The following ZNF385C variants were observed in gnomAD, a reference collection of about 807,000 sequenced individuals.
The protein encoded by ZNF385C is CTD-2132N18.2.
A neutral mutation model predicts 35.4 loss-of-function variants in ZNF385C; 28 were observed. The observed-to-expected ratio is 0.79, with a 90% CI of 0.59 to 1.08. ZNF385C has a LOEUF of 1.08. Ranked by LOEUF, ZNF385C falls within the 50% of genes least tolerant of loss-of-function variation. ZNF385C has a pLI of 0.00. For synonymous variants in ZNF385C, 248 were observed against 248.2 expected (o/e 1.00, Z 0.01); for missense variants, 605 against 595.6 (o/e 1.02, Z -0.16).
At chr17:42,044,573 G>A (rs1346923520) in intron 2 of ZNF385C, among the ~76,000 whole-genome samples, 11 of 151,180 alleles carry the variant, frequency 7.3e-5, no homozygotes, top group Non-Finnish European at 1.2e-4. Context: ...CCGAGATCAC[G>A]CTATTGCACT....
At chr17:42,075,961 G>A (rs2053680280) in intron 1 of ZNF385C, among the ~76,000 whole-genome samples, 1 of 152,050 alleles carries the variant, frequency 6.6e-6, no homozygotes, top group Non-Finnish European at 1.5e-5. Context: ...AAACCCCCAG[G>A]TCTATTTTCA....
At position 42,056,549 on chromosome 17, in the gene ZNF385C, G is replaced by A. The variant is rs535823022; in HGVS notation, c.250+6258C>T. ...GGCTGAGGTGGGAGGATTGCTTGGG[G>A]CCAAGAGTTTGAGACCAGCCTGGGC... On this transcript the variant is annotated intron_variant, in intron 2 of 8. Coordinates refer to ENST00000692273, the MANE Select transcript of ZNF385C (RefSeq NM_001392013.1). Among the ~76,000 whole-genome samples the A allele has an allele frequency of 3.9e-5, 6 of 152,252 alleles. No homozygotes were observed. The South Asian group carries it at 1.2e-3, about 32-fold the overall frequency.
chr17:42,058,108 G>C (rs1017045958), intron 2 of ZNF385C, among the ~76,000 whole-genome samples: 2 of 152,098 alleles, frequency 1.3e-5, no homozygotes. Context: ...AGTGCTGGGA[G>C]TAAGAATTCC....
chr17:42,044,722 A>G (rs1383976513), intron 2 of ZNF385C, among the ~76,000 whole-genome samples: 1 of 152,114 alleles, frequency 6.6e-6, no homozygotes, highest in African/African-American at 2.4e-5. Flanking sequence ...ACACAGGTGA[A>G]CACACACTCA....
At chr17:42,039,431 C>T in intron 2 of ZNF385C, 1 of 344,852 alleles carries the variant, frequency 2.9e-6, no homozygotes, top group South Asian at 1.5e-4. Context: ...AGCTACTCCT[C>T]ATCTAACTGT....
intron 1 of ZNF385C, among the ~76,000 whole-genome samples, chr17:42,091,797 G>A (rs1287620071): frequency 6.6e-6 from 1 of 152,146 alleles, no homozygotes; most frequent in Non-Finnish European, 1.5e-5. Flanking sequence ...TGCTAACTAG[G>A]ACAGCAAATT....
At chr17:42,079,184 T>G (rs2053717270) in intron 1 of ZNF385C, among the ~76,000 whole-genome samples, 1 of 91,680 alleles carries the variant, frequency 1.1e-5, no homozygotes, top group Non-Finnish European at 2.1e-5. Context: ...AAACCCTGTC[T>G]CGCAAAAAAA....
rs2053268311 is a variant in ZNF385C, at chr17:42,050,810, G to T, written c.250+11997C>A. Among the ~76,000 whole-genome samples, 1 of 151,648 alleles carries T rather than the reference G, an allele frequency of 6.6e-6. No individual in the cohort carries two copies. The highest frequency in any genetic ancestry group is 2.4e-5 in the African/African-American group (1 of 41,370). ...AGCCCCTGCCGCCCCACGCGCGGCA[G>T]CAGGAGCCAGAGGCTAGACCGCAGG... On this transcript the variant is annotated intron_variant, in intron 2 of 8. Coordinates refer to ENST00000692273, the MANE Select transcript of ZNF385C (RefSeq NM_001392013.1). The surrounding 1 kb of genome is among the most constrained non-coding windows in gnomAD (Gnocchi z 5.6).
intron 1 of ZNF385C, among the ~76,000 whole-genome samples, chr17:42,070,604 G>A (rs542511792): frequency 6.6e-6 from 1 of 152,262 alleles, no homozygotes; most frequent in Non-Finnish European, 1.5e-5. Flanking sequence ...GACACATGAG[G>A]CAACTGAGGC....
intron 2 of ZNF385C, chr17:42,043,152 G>T (rs1028908991): frequency 1.6e-6 from 2 of 1,232,174 alleles, no homozygotes; most frequent in Non-Finnish European, 1.0e-6. Flanking sequence ...GGCGCAGCAG[G>T]GCGTGGCGCT....
chr17:42,075,458 TGTTGGATTATCCCA>T (rs1415911974), intron 1 of ZNF385C, among the ~76,000 whole-genome samples: 16 of 151,972 alleles, frequency 1.1e-4, no homozygotes, highest in Middle Eastern at 6.8e-3. Flanking sequence ...GGTTTCCAAG[TGTTGGATTATCCCA>T]GTTACATTCC....
chr17:42,096,406 C>G (rs573331037), intron 1 of ZNF385C, among the ~76,000 whole-genome samples: 1 of 152,274 alleles, frequency 6.6e-6, no homozygotes, highest in East Asian at 1.9e-4. Context: ...CCTCATCCCA[C>G]AGGGAGAGGA....
rs1555655683 is a variant in ZNF385C, at chr17:42,038,140, A to G, written c.251-255T>C. 2.8e-6 allele frequency: 4 copies of G among 1,440,706 alleles called. No individual in the cohort carries two copies. In the African/African-American group the frequency reaches 5.6e-5, roughly 20 times the overall value. 89.2% of individuals were successfully genotyped at this position (1,440,706 alleles called of 1,614,324 possible). A position where few individuals can be genotyped will look rare whatever the true frequency, so the allele number is the denominator to read the frequency against. On this transcript the variant is annotated intron_variant, in intron 2 of 8. Transcript: ENST00000692273. ...AGGGATGACCCTCCTGCCCCTACTG[A>G]GGCAGCATACTGAACCCCAGGGCAG...
chr17:42,036,034 T>A (rs1353048582), intron 3 of ZNF385C, among the ~76,000 whole-genome samples: 2 of 152,166 alleles, frequency 1.3e-5, no homozygotes, highest in Admixed American at 1.3e-4. Context: ...CTCCCTCTTG[T>A]CGCCCAGGCT....
chr17:42,039,993 G>A (rs1324917368), intron 2 of ZNF385C: 2 of 1,231,054 alleles, frequency 1.6e-6, no homozygotes, highest in Non-Finnish European at 2.0e-6. Flanking sequence ...CCAGCTGGGT[G>A]CACAGGGCCC....
intron 8 of ZNF385C, 48 bp from the exon 9 acceptor site, chr17:42,027,181 C>T (rs1555654301): frequency 5.1e-6 from 8 of 1,555,180 alleles, no homozygotes; most frequent in East Asian, 2.2e-5. Context: ...CCAGAAAACC[C>T]CACCCCCTCC....
chr17:42,097,792 A>G (rs1217020869), intron 1 of ZNF385C, among the ~76,000 whole-genome samples: 1 of 152,124 alleles, frequency 6.6e-6, no homozygotes, highest in African/African-American at 2.4e-5. Context: ...CACCTTCCCC[A>G]GCCGGCTCTG....
chr17:42,060,299 CCTT>C (rs2053441537), intron 2 of ZNF385C, among the ~76,000 whole-genome samples: 1 of 152,204 alleles, frequency 6.6e-6, no homozygotes, highest in Admixed American at 6.5e-5. Context: ...ACCTCACTTT[CCTT>C]CTTATGTACC....
intron 2 of ZNF385C, chr17:42,040,166 G>T: frequency 8.1e-7 from 1 of 1,231,572 alleles, no homozygotes; most frequent in Non-Finnish European, 1.0e-6. Context: ...TAGCGTCGGG[G>T]GTCGAAGATC....
Sources: allele counts gnomAD v4.1 joint callset (sites outside exome capture counted in the v4.1 genomes callset), GRCh38; gene constraint gnomAD v4.1.1; non-coding constraint Gnocchi (gnomAD v3.1); transcripts MANE v1.5; gene names NCBI Gene and HGNC (gene_info 2026-07-23, HGNC 2026-07-21).